Variants in STX11 observed in about 807,000 individuals in gnomAD.
STX11 encodes syntaxin 11.
STX11 carries 21 observed loss-of-function variants against 19.9 expected under a neutral mutation model. The ratio of observed to expected loss-of-function variants is 1.06; its 90% CI spans 0.75 to 1.52. STX11 has a LOEUF of 1.52. STX11 is among the 40% of genes most tolerant of loss of function. STX11 has a pLI of 0.00. For synonymous variants in STX11, 193 were observed against 174.4 expected (o/e 1.11, Z -0.84); for missense variants, 438 against 405.9 (o/e 1.08, Z -0.68).
At position 144,151,406 on chromosome 6, in the gene STX11, G is replaced by A; in HGVS notation, c.-6+703G>A. On this transcript the variant is annotated intron_variant, in intron 1 of 1. Coordinates refer to ENST00000367568, the MANE Select transcript of STX11 (RefSeq NM_003764.4). This position sits in a 1 kb window ranked among gnomAD's most constrained non-coding sequence, Gnocchi z 4.6. Reference sequence around the variant, plus strand: ...CAGAGGGAGGAGCTGTTATTTACAGGTATCCAAAAATGAGTCACAGGGCTG... The same window carrying A: ...CAGAGGGAGGAGCTGTTATTTACAGATATCCAAAAATGAGTCACAGGGCTG... 1 of 985,388 alleles carries A rather than the reference G, an allele frequency of 1.0e-6. No homozygotes were observed. The highest frequency in any genetic ancestry group is 4.7e-5 in the South Asian group (1 of 21,292). 61.0% of individuals were successfully genotyped at this position (985,388 alleles called of 1,614,324 possible).
At position 144,153,071 on chromosome 6, in the gene STX11, G is replaced by A. The variant is rs985581095; in HGVS notation, c.-6+2368G>A. Among the ~76,000 whole-genome samples the A allele has an allele frequency of 6.6e-6, 1 of 152,194 alleles. No homozygotes were observed. Among genetic ancestry groups the A allele is most frequent in the Non-Finnish European group, 1.5e-5 (1 of 68,042 alleles). On this transcript the variant is annotated intron_variant, in intron 1 of 1. Coordinates refer to ENST00000367568, the MANE Select transcript of STX11 (RefSeq NM_003764.4). The surrounding 1 kb of genome is among the most constrained non-coding windows in gnomAD (Gnocchi z 5.0). The stretch of plus-strand genomic sequence containing the variant: ...ATCTACCGTATCACAGTTTACTGTT[G>A]CAATTGAAATCTGCTGAGATGCTTT...
rs1356392027 is a variant in STX11, at chr6:144,175,236, C to T, written c.-5-11387C>T. Among the ~76,000 whole-genome samples, 1 of 152,126 alleles carries T rather than the reference C, an allele frequency of 6.6e-6. No homozygotes were observed. Among genetic ancestry groups the T allele is most frequent in the East Asian group, 1.9e-4 (1 of 5,198 alleles). ...CCAGCCTGGGCAACAGAGCGAGACC[C>T]TGTGTCAAACAATAATAATAATGAT... On this transcript the variant is annotated intron_variant, in intron 1 of 1. Transcript: ENST00000367568. This position sits in a 1 kb window ranked among gnomAD's most constrained non-coding sequence, Gnocchi z 5.1.
chr6:144,150,441 G>A (rs558198694), upstream of STX11: 614 of 954,428 alleles, frequency 6.4e-4, 7 homozygotes, highest in African/African-American at 0.01. Context: ...GCGCCCCAGC[G>A]CTGTCATCCC....
At chr6:144,186,599 T>A in intron 1 of STX11, 24 bp from the exon 2 acceptor site, 1 of 1,613,666 alleles carries the variant, frequency 6.2e-7, no homozygotes, top group African/African-American at 1.3e-5. Flanking sequence ...TAGAGAAATT[T>A]AACTTCATTA....
chr6:144,187,251 G>A lies in STX11; in HGVS notation c.624G>A (p.Glu208=), dbSNP rs1802078693. ...CGCGGGCCGCCCTCAACGAGATCGA[G>A]AGCCGCCACCGCGAACTGCTGCGCC... is the stretch of plus-strand genomic sequence containing the variant. The part of the protein sequence containing the change: ...KGARAALNEI[E]SRHRELLRLE... Residue 208 remains glutamate (E), a synonymous_variant, in exon 2 of 2, where the codon GAG becomes GAA. Coordinates refer to ENST00000367568, the MANE Select transcript of STX11 (RefSeq NM_003764.4). This position sits in a 1 kb window ranked among gnomAD's most constrained non-coding sequence, Gnocchi z 5.6. 6.2e-7 allele frequency: 1 copy of A among 1,613,608 alleles called. No individual in the cohort carries two copies. The highest frequency in any genetic ancestry group is 1.7e-5 in the Admixed American group (1 of 59,994).
upstream of STX11, among the ~76,000 whole-genome samples, chr6:144,150,099 T>G (rs975561589): frequency 1.3e-5 from 2 of 151,942 alleles, no homozygotes; most frequent in Non-Finnish European, 2.9e-5. Context: ...GTCCCAGGGA[T>G]GCAGGACCTG....
rs1006149616 is a variant in STX11, at chr6:144,172,421, G to A, written c.-5-14202G>A. On this transcript the variant is annotated intron_variant, in intron 1 of 1. Coordinates refer to ENST00000367568, the MANE Select transcript of STX11 (RefSeq NM_003764.4). This position sits in a 1 kb window ranked among gnomAD's most constrained non-coding sequence, Gnocchi z 4.2. ...GTTTCAGTGTTCCCAGAGCAGATAA[G>A]CCCCAAGGTGCTAGTGCTGTTGAAG... Among the ~76,000 whole-genome samples, 4 of 152,106 alleles carry A rather than the reference G, an allele frequency of 2.6e-5. No homozygotes were observed. Among genetic ancestry groups the A allele is most frequent in the Admixed American group, 6.6e-5 (1 of 15,266 alleles).
At chr6:144,157,945 C>T (rs1048920509) in intron 1 of STX11, among the ~76,000 whole-genome samples, 1 of 148,734 alleles carries the variant, frequency 6.7e-6, no homozygotes, top group Non-Finnish European at 1.5e-5. Context: ...TTATAACCTT[C>T]AGAATTACCA....
rs75781493 is a variant in STX11, at chr6:144,174,728, C to T, written c.-5-11895C>T. ...ACAAATTCAAGGGGAAAGAATGGGGCCACCTAGGAGGTCAGATCAAGAATG... is the reference window on the plus strand; with the variant it reads ...ACAAATTCAAGGGGAAAGAATGGGGTCACCTAGGAGGTCAGATCAAGAATG... On this transcript the variant is annotated intron_variant, in intron 1 of 1. Transcript: ENST00000367568. This position sits in a 1 kb window ranked among gnomAD's most constrained non-coding sequence, Gnocchi z 5.3. 0.017 allele frequency among the ~76,000 whole-genome samples: 2,645 copies of T among 152,190 alleles called. 104 individuals are homozygous for T. The highest frequency in any genetic ancestry group is 0.061 in the African/African-American group (2,534 of 41,502).
At position 144,159,843 on chromosome 6, in the gene STX11, A is replaced by G. The variant is rs1044444320; in HGVS notation, c.-6+9140A>G. Reference sequence around the variant, plus strand: ...TTGTTGGAGACAGTGGGTGAAGTGCATTGCCCCAGAAGTCCATGCCCACTG... The same window carrying G: ...TTGTTGGAGACAGTGGGTGAAGTGCGTTGCCCCAGAAGTCCATGCCCACTG... On this transcript the variant is annotated intron_variant, in intron 1 of 1. Transcript: ENST00000367568. The surrounding 1 kb of genome is among the most constrained non-coding windows in gnomAD (Gnocchi z 4.3). Among the ~76,000 whole-genome samples, 1 of 152,050 alleles carries G rather than the reference A, an allele frequency of 6.6e-6. No homozygotes were observed. The highest frequency in any genetic ancestry group is 2.4e-5 in the African/African-American group (1 of 41,372).
In STX11 at chr6:144,151,594, C is replaced by T. The variant is rs1229666655; in HGVS notation, c.-6+891C>T. ...TAAGGCGCCTGATGTTACAACATGC[C>T]AGTAAAGGTCACTGGGCTGATCTAA... On this transcript the variant is annotated intron_variant, in intron 1 of 1. Transcript: ENST00000367568. The surrounding 1 kb of genome is among the most constrained non-coding windows in gnomAD (Gnocchi z 4.6). Among the ~76,000 whole-genome samples, 1 of 152,172 alleles carries T rather than the reference C, an allele frequency of 6.6e-6. No individual in the cohort carries two copies. The highest frequency in any genetic ancestry group is 1.5e-5 in the Non-Finnish European group (1 of 68,036).
At chr6:144,140,237 T>C in the STX11 span, among the ~76,000 whole-genome samples, 1 of 53,556 alleles carries the variant, frequency 1.9e-5, no homozygotes, top group African/African-American at 1.1e-4. Context: ...TATATATATA[T>C]ATATATATAT....
In STX11 at chr6:144,191,154, GT is replaced by G. The variant is rs755551815; in HGVS notation, c.*3664del. Among the ~76,000 whole-genome samples, 110 of 151,040 alleles carry G rather than the reference GT, an allele frequency of 7.3e-4. No homozygotes were observed. Among genetic ancestry groups the G allele is most frequent in the Non-Finnish European group, 1.4e-3 (94 of 67,852 alleles). ...TTTTATAGCTATTTTAACATATACAGTGACTACTTTCTACTAGCCAAATATC... is the reference window on the plus strand; with the variant it reads ...TTTTATAGCTATTTTAACATATACAGGACTACTTTCTACTAGCCAAATATC... On this transcript the variant is annotated 3_prime_UTR_variant, in exon 2 of 2. Coordinates refer to ENST00000367568, the MANE Select transcript of STX11 (RefSeq NM_003764.4).
At chr6:144,150,917 G>T (rs1800990141) in intron 1 of STX11, among the ~76,000 whole-genome samples, 1 of 152,156 alleles carries the variant, frequency 6.6e-6, no homozygotes, top group Non-Finnish European at 1.5e-5. Context: ...AAAGCAGAAT[G>T]ATTTTTTAAA....
At chr6:144,149,822 C>T (rs984421963), upstream of STX11, among the ~76,000 whole-genome samples, 1 of 152,160 alleles carries the variant, frequency 6.6e-6, no homozygotes, top group Non-Finnish European at 1.5e-5. The surrounding 1 kb of genome is among the most constrained non-coding windows in gnomAD (Gnocchi z 5.1). Context: ...TCAGCCTCAG[C>T]CTTGTTTTTC....
At chr6:144,163,505 T>C (rs1382190150) in intron 1 of STX11, among the ~76,000 whole-genome samples, 1 of 151,802 alleles carries the variant, frequency 6.6e-6, no homozygotes. Context: ...TGAGACAGAG[T>C]CTTACTCTGT....
In STX11 at chr6:144,191,625, C is replaced by A. The variant is rs946475738; in HGVS notation, c.*4134C>A. Among the ~76,000 whole-genome samples the A allele has an allele frequency of 6.6e-6, 1 of 151,974 alleles. No homozygotes were observed. The highest frequency in any genetic ancestry group is 2.4e-5 in the African/African-American group (1 of 41,384). ...CCATCAGACATATTTCTACTCCTTT[C>A]TTTGAAGTATGCGAAGTATCTCCAA... On this transcript the variant is annotated 3_prime_UTR_variant, in exon 2 of 2. Coordinates refer to ENST00000367568, the MANE Select transcript of STX11 (RefSeq NM_003764.4).
rs1269614073 is a variant in STX11 at position 144,162,876 on chromosome 6, A to T, written c.-6+12173A>T. Among the ~76,000 whole-genome samples the T allele has an allele frequency of 6.6e-6, 1 of 152,252 alleles. No homozygotes were observed. The highest frequency in any genetic ancestry group is 1.5e-5 in the Non-Finnish European group (1 of 68,034). ...TATGTTTACCAACATGAGTGACAAC[A>T]TAAGTATTATCTAAGAAAATACCTG... On this transcript the variant is annotated intron_variant, in intron 1 of 1. Transcript: ENST00000367568. The surrounding 1 kb of genome is among the most constrained non-coding windows in gnomAD (Gnocchi z 4.6).
intron 1 of STX11, among the ~76,000 whole-genome samples, chr6:144,157,869 C>G (rs1328444378): frequency 6.6e-6 from 1 of 151,930 alleles, no homozygotes; most frequent in Non-Finnish European, 1.5e-5. Context: ...TCCCCCCGCT[C>G]TCTCTCTCGC....
Sources: gnomAD v4.1 joint callset for allele counts (sites outside exome capture counted in the v4.1 genomes callset) on GRCh38, gnomAD v4.1.1 for gene constraint, Gnocchi (gnomAD v3.1) non-coding constraint, MANE v1.5 for transcripts, NCBI Gene and HGNC (gene_info 2026-07-23, HGNC 2026-07-21) for gene names.